ECM1: variants seen among roughly 807,000 people sequenced by gnomAD.
The protein encoded by ECM1 is extracellular matrix protein 1.
Under a neutral mutation model 57.9 loss-of-function variants are expected in ECM1, and 54 were observed. The observed-to-expected ratio is 0.93, with a 90% CI of 0.75 to 1.17. The LOEUF (loss-of-function observed/expected upper bound fraction) is 1.17. Ranked by LOEUF, ECM1 falls within the 50% of genes most tolerant of loss-of-function variation. The pLI, the probability that ECM1 is intolerant of heterozygous loss-of-function variation, is 0.00. For synonymous variants in ECM1, 237 were observed against 259.1 expected (o/e 0.91, Z 0.82); for missense variants, 649 against 688.1 (o/e 0.94, Z 0.64).
chr1:150,513,406 G>A lies in ECM1; in HGVS notation c.1562G>A (p.Gly521Glu), dbSNP rs1670497519. Residue 521 changes from glycine (G) to glutamate (E), a missense_variant, in exon 10 of 10, where the codon GGG becomes GAG. Transcript: ENST00000369047. ...GACACTGAGAACGCCAAGGGCCAGG[G>A]GGAGCAGGGCTCAACTGGAGGAACA... Reference protein sequence around the residue: ...SGDTENAKGQGEQGSTGGTNI... With the variant: ...SGDTENAKGQEEQGSTGGTNI... The A allele has an allele frequency of 1.9e-6, 3 of 1,614,162 alleles. No homozygotes were observed. Among genetic ancestry groups the A allele is most frequent in the Non-Finnish European group, 2.5e-6 (3 of 1,180,032 alleles).
In ECM1 at chr1:150,513,591, G is replaced by A. The variant is rs898977859; in HGVS notation, c.*124G>A. The A allele has an allele frequency of 3.7e-5, 36 of 976,582 alleles. No individual in the cohort carries two copies. Among genetic ancestry groups the A allele is most frequent in the East Asian group, 1.4e-4 (5 of 36,324 alleles). 60.5% of individuals were successfully genotyped at this position (976,582 alleles called of 1,614,324 possible). A position where few individuals can be genotyped will look rare whatever the true frequency, so the allele number is the denominator to read the frequency against. On this transcript the variant is annotated 3_prime_UTR_variant, in exon 10 of 10. Transcript: ENST00000369047. ...TCATTGTCTATCTAATGTCTCACCC[G>A]CAGTGTTTTAAGTGGATCTTGGTGC...
intron 1 of ECM1, 59 bp downstream of exon 1, chr1:150,508,338 TC>T: frequency 6.7e-7 from 1 of 1,490,678 alleles, no homozygotes; most frequent in Non-Finnish European, 9.3e-7. Context: ...GGGGTCTGGG[TC>T]CAGGCATCCC....
intron 5 of ECM1, 182 bp from the exon 6 acceptor site, chr1:150,510,694 C>T: frequency 1.4e-6 from 1 of 711,084 alleles, no homozygotes; most frequent in Non-Finnish European, 2.4e-6. Flanking sequence ...ACCTTTCACA[C>T]CTCGCTTCTC....
chr1:150,513,698 G>T lies in ECM1; in HGVS notation c.*231G>T. ...TAAGCCTGCTTGTATTTCCTTCAGT[G>T]CCTGGCCCCTGAGGCCCACGGCCCT... is the stretch of plus-strand genomic sequence containing the variant. On this transcript the variant is annotated 3_prime_UTR_variant, in exon 10 of 10. Coordinates refer to ENST00000369047, the MANE Select transcript of ECM1 (RefSeq NM_004425.4). 1 of 506,608 alleles carries T rather than the reference G, an allele frequency of 2.0e-6. No homozygotes were observed. The highest frequency in any genetic ancestry group is 2.3e-5 in the South Asian group (1 of 44,158). The allele number at this position is 506,608 out of a possible 1,614,324, so 31.4% of individuals were successfully genotyped here.
rs587698658 is a variant in ECM1 at position 150,513,729 on chromosome 1, C to A, written c.*262C>A. 4 of 426,994 alleles carry A rather than the reference C, an allele frequency of 9.4e-6. No individual in the cohort carries two copies. In the East Asian group the frequency reaches 1.7e-4, roughly 18 times the overall value. The allele number at this position is 426,994 out of a possible 1,614,324, so 26.5% of individuals were successfully genotyped here. A position where few individuals can be genotyped will look rare whatever the true frequency, so the allele number is the denominator to read the frequency against. On this transcript the variant is annotated 3_prime_UTR_variant, in exon 10 of 10. Transcript: ENST00000369047. ...CCCCTGAGGCCCACGGCCCTGCCCC[C>A]TTCACTGAGCAGATGTTCACAGGCT...
intron 5 of ECM1, 29 bp from the exon 6 acceptor site, chr1:150,510,847 C>T (rs768612283): frequency 6.2e-7 from 1 of 1,611,982 alleles, no homozygotes; most frequent in Admixed American, 1.7e-5. Context: ...TTCACATGTC[C>T]CCGCTTCCCA....
In ECM1 at chr1:150,513,495, T is replaced by C; in HGVS notation, c.*28T>C. On this transcript the variant is annotated 3_prime_UTR_variant, in exon 10 of 10. Transcript: ENST00000369047. ...CACCCCAGAGCCCTAGAGGGTCAGA[T>C]GGGGGGAACCCCACCCTGCCCCACC... 1.0e-5 allele frequency: 16 copies of C among 1,600,532 alleles called. No homozygotes were observed. Among genetic ancestry groups the C allele is most frequent in the Non-Finnish European group, 1.4e-5 (16 of 1,172,706 alleles).
intron 6 of ECM1, 120 bp from the exon 7 acceptor site, chr1:150,511,337 G>A: frequency 6.3e-7 from 1 of 1,589,886 alleles, no homozygotes; most frequent in East Asian, 2.2e-5. Flanking sequence ...TCCCCAATGT[G>A]CCAGGGGAGC....
chr1:150,511,530 G>A lies in ECM1; in HGVS notation c.782G>A (p.Arg261Gln), dbSNP rs138083168. The A allele has an allele frequency of 3.1e-5, 50 of 1,614,040 alleles. No homozygotes were observed. The highest frequency in any genetic ancestry group is 1.6e-4 in the Middle Eastern group (1 of 6,084). ...ACCCGACCCCACTGGTGCTGCACGC[G>A]GCAGGGGGAGGCTCGGTTCTCCTGC... ...VKTRPHWCCTRQGEARFSCFQ... is the reference protein window; with the variant it reads ...VKTRPHWCCTQQGEARFSCFQ... The change falls in exon 7 of 10, where the codon CGG (arginine) becomes CAG (glutamine). Residue 261 changes from arginine to glutamine, a missense_variant. Transcript: ENST00000369047.
At position 150,511,838 on chromosome 1, in the gene ECM1, G is replaced by C. The variant is rs587757373; in HGVS notation, c.1083+7G>C. 1.3e-6 allele frequency: 2 copies of C among 1,595,272 alleles called. No individual in the cohort carries two copies. The highest frequency in any genetic ancestry group is 2.7e-5 in the African/African-American group (2 of 74,502). On this transcript the variant is annotated splice_region_variant and intron_variant, in intron 7 of 9. Coordinates refer to ENST00000369047, the MANE Select transcript of ECM1 (RefSeq NM_004425.4). ...CACCTGTACATGGAAGGCCGTAAGT[G>C]GGCGTCCCAGCCTCCCTGAGAGCCT...
rs749686448 is a variant in ECM1, at chr1:150,512,482, A to G, written c.1214A>G (p.Tyr405Cys). 82 of 1,613,344 alleles carry G rather than the reference A, an allele frequency of 5.1e-5. No individual in the cohort carries two copies. Among genetic ancestry groups the G allele is most frequent in the Non-Finnish European group, 6.6e-5 (78 of 1,179,930 alleles). The stretch of plus-strand genomic sequence containing the variant: ...GCCCGTCGGGCTCCTTACCCCAACT[A>G]TGACCGGGACATCTTGACCATTGAC... ...CFARRAPYPN[Y>C]DRDILTIDIG... Residue 405 changes from tyrosine (Y) to cysteine (C), a missense_variant, in exon 8 of 10, where the codon TAT (tyrosine) becomes TGT (cysteine). Tyr to Cys is a radical substitution (Grantham distance 194). Coordinates refer to ENST00000369047, the MANE Select transcript of ECM1 (RefSeq NM_004425.4).
intron 1 of ECM1, 163 bp from the exon 2 acceptor site, chr1:150,509,368 G>A (rs1306056834): frequency 1.3e-6 from 1 of 741,840 alleles, no homozygotes; most frequent in African/African-American, 1.7e-5. Flanking sequence ...AGGTGTGTTG[G>A]GGCTGGGAGA....
intron 8 of ECM1, 23 bp from the exon 9 acceptor site, chr1:150,512,702 C>T: frequency 1.2e-6 from 2 of 1,613,848 alleles, no homozygotes; most frequent in Admixed American, 1.7e-5. Context: ...ACCCTAACCC[C>T]TGCCCCTTTC....
chr1:150,510,719 A>G (rs1287520966), intron 5 of ECM1, 157 bp from the exon 6 acceptor site: 2 of 795,548 alleles, frequency 2.5e-6, no homozygotes, highest in Admixed American at 4.2e-5. Context: ...CCTTTCAGTT[A>G]TTTTAAAAGG....
intron 6 of ECM1, 105 bp from the exon 7 acceptor site, chr1:150,511,352 G>C: frequency 4.4e-6 from 7 of 1,604,678 alleles, no homozygotes; most frequent in Non-Finnish European, 5.1e-6. Context: ...GGGAGCAGAG[G>C]ACAACCACTG....
Position 150,511,539 on chromosome 1 carries a change from A to G in ECM1, c.791A>G (p.Glu264Gly). The G allele has an allele frequency of 6.2e-7, 1 of 1,613,982 alleles. No individual in the cohort carries two copies. The highest frequency in any genetic ancestry group is 8.5e-7 in the Non-Finnish European group (1 of 1,179,998). ...RPHWCCTRQG[E>G]ARFSCFQEEA... ...CACTGGTGCTGCACGCGGCAGGGGG[A>G]GGCTCGGTTCTCCTGCTTCCAGGAG... Residue 264 changes from glutamate to glycine, a missense_variant, in exon 7 of 10, where the codon GAG becomes GGG. Glu to Gly is a moderately conservative substitution (Grantham distance 98, BLOSUM62 -2). Coordinates refer to ENST00000369047, the MANE Select transcript of ECM1 (RefSeq NM_004425.4).
chr1:150,512,426 C>T lies in ECM1; in HGVS notation c.1158C>T (p.His386=), dbSNP rs1204978278. The part of the protein sequence containing the change: ...VKTHHHLCCR[H]PPSPTRDECF... ...CCCACCACCACTTGTGTTGCCGCCA[C>T]CCTCCCAGCCCTACTCGGGATGAGT... Residue 386 remains histidine, a synonymous_variant, in exon 8 of 10, where the codon CAC becomes CAT. Coordinates refer to ENST00000369047, the MANE Select transcript of ECM1 (RefSeq NM_004425.4). The T allele has an allele frequency of 1.2e-6, 2 of 1,613,582 alleles. No homozygotes were observed. The highest frequency in any genetic ancestry group is 1.7e-6 in the Non-Finnish European group (2 of 1,179,974).
At chr1:150,511,285 TG>T in intron 6 of ECM1, 87 bp downstream of exon 6, 1 of 1,595,742 alleles carries the variant, frequency 6.3e-7, no homozygotes. Context: ...GGCCTGGGTC[TG>T]GAGGAACCTC....
chr1:150,510,697 C>T lies in ECM1; in HGVS notation c.386-179C>T, dbSNP rs897282354. ...CTGTGAGCTGACACCTTTCACACCT[C>T]GCTTCTCTTTTCCTTTCAGTTATTT... On this transcript the variant is annotated intron_variant, in intron 5 of 9. Transcript: ENST00000369047. 130 of 717,198 alleles carry T rather than the reference C, an allele frequency of 1.8e-4. 1 individual carries two copies. The highest frequency in any genetic ancestry group is 1.5e-3 in the Middle Eastern group (4 of 2,606). 44.4% of individuals were successfully genotyped at this position (717,198 alleles called of 1,614,324 possible). A position where few individuals can be genotyped will look rare whatever the true frequency, so the allele number is the denominator to read the frequency against.
Sources: gnomAD v4.1 joint callset for allele counts on GRCh38, gnomAD v4.1.1 for gene constraint, MANE v1.5 for transcripts, NCBI Gene and HGNC (gene_info 2026-07-23, HGNC 2026-07-21) for gene names.